The following ZNF420 variants were observed in gnomAD, a reference collection of about 807,000 sequenced individuals.
ZNF420 encodes zinc finger protein 420, also known as ATM and p53-associated KZNF protein.
A neutral mutation model predicts 44.7 loss-of-function variants in ZNF420; 31 were observed. That is an observed-to-expected ratio of 0.69 (90% CI 0.52 to 0.94). ZNF420 has a LOEUF of 0.94. ZNF420 is among the 40% of genes least tolerant of loss of function. The probability of loss-of-function intolerance (pLI) is 0.00; values close to 1 mark genes in which losing one functional copy is unlikely to be tolerated. For synonymous variants in ZNF420, 245 were observed against 267.4 expected (o/e 0.92, Z 0.82); for missense variants, 681 against 827.9 (o/e 0.82, Z 2.18).
intron 4 of ZNF420, among the ~76,000 whole-genome samples, chr19:37,125,902 CAAAG>C (rs975171899): frequency 6.6e-6 from 1 of 152,116 alleles, no homozygotes; most frequent in African/African-American, 2.4e-5. Context: ...GTTCCCAACC[CAAAG>C]TATAAAGAAT....
At chr19:37,038,125 G>A (rs954565861) in intron 1 of ZNF420, among the ~76,000 whole-genome samples, 10 of 110,998 alleles carry the variant, frequency 9.0e-5, no homozygotes, top group African/African-American at 2.2e-4. Flanking sequence ...GCGAGACTCC[G>A]TCTCAAAAAA....
intron 3 of ZNF420, among the ~76,000 whole-genome samples, chr19:37,089,453 T>G (rs564433604): frequency 6.6e-6 from 1 of 152,302 alleles, no homozygotes; most frequent in South Asian, 2.1e-4. Flanking sequence ...TGAACTTCTC[T>G]TTAGATCTAA....
chr19:37,052,508 C>T (rs1599619252), intron 1 of ZNF420, among the ~76,000 whole-genome samples: 1 of 152,138 alleles, frequency 6.6e-6, no homozygotes, highest in Non-Finnish European at 1.5e-5. Flanking sequence ...ACCGGTTGCT[C>T]CTTTCCATAT....
At chr19:37,037,242 A>G (rs560769344) in intron 1 of ZNF420, among the ~76,000 whole-genome samples, 5 of 152,190 alleles carry the variant, frequency 3.3e-5, no homozygotes, top group Non-Finnish European at 5.9e-5. Context: ...GGCCTAGAAG[A>G]GAACGTGAGA....
At chr19:37,110,344 C>T (rs1156536715) in intron 4 of ZNF420, among the ~76,000 whole-genome samples, 1 of 152,140 alleles carries the variant, frequency 6.6e-6, no homozygotes, top group African/African-American at 2.4e-5. Flanking sequence ...CAATGTTGTA[C>T]AATATTTTTT....
At chr19:37,103,102 T>C (rs891345290) in intron 4 of ZNF420, among the ~76,000 whole-genome samples, 1 of 152,276 alleles carries the variant, frequency 6.6e-6, no homozygotes, top group Admixed American at 6.5e-5. Flanking sequence ...TTTTAATAAA[T>C]GCACTTAAGA....
intron 1 of ZNF420, among the ~76,000 whole-genome samples, chr19:37,022,596 C>T (rs139489481): frequency 1.3e-5 from 2 of 151,968 alleles, no homozygotes; most frequent in Non-Finnish European, 2.9e-5. Flanking sequence ...AACAATTCCA[C>T]AGAAATGAAA....
At chr19:37,061,920 A>G (rs1264027427) in intron 1 of ZNF420, among the ~76,000 whole-genome samples, 1 of 152,188 alleles carries the variant, frequency 6.6e-6, no homozygotes, top group African/African-American at 2.4e-5. Context: ...GGTGACAATC[A>G]TTGCTCTGAG....
intron 4 of ZNF420, among the ~76,000 whole-genome samples, chr19:37,096,643 G>A (rs1378051319): frequency 6.6e-6 from 1 of 152,138 alleles, no homozygotes; most frequent in Non-Finnish European, 1.5e-5. Context: ...AAGGGTAACT[G>A]TAACTTCAGA....
chr19:37,098,020 G>A (rs1222230115), intron 4 of ZNF420, among the ~76,000 whole-genome samples: 1 of 151,878 alleles, frequency 6.6e-6, no homozygotes, highest in South Asian at 2.1e-4. Context: ...ACTTAGGCTG[G>A]AGTGCAGTGG....
chr19:37,018,570 T>A (rs1047196668), intron 1 of ZNF420, among the ~76,000 whole-genome samples: 6 of 152,160 alleles, frequency 3.9e-5, no homozygotes, highest in Non-Finnish European at 8.8e-5. Context: ...TATTTTTATT[T>A]TTTGTTTGTT....
upstream of ZNF420, among the ~76,000 whole-genome samples, chr19:37,075,782 CAG>C (rs1008293588): frequency 6.6e-6 from 1 of 151,780 alleles, no homozygotes; most frequent in South Asian, 2.1e-4. Context: ...CAAACAAAAA[CAG>C]AGAGAGAGGG....
At chr19:37,053,382 A>C (rs1337949602) in intron 1 of ZNF420, among the ~76,000 whole-genome samples, 1 of 152,176 alleles carries the variant, frequency 6.6e-6, no homozygotes, top group African/African-American at 2.4e-5. Context: ...TTTTCCATCC[A>C]GCTTTGTTCC....
intron 2 of ZNF420, among the ~76,000 whole-genome samples, chr19:37,083,792 A>C (rs1002664582): frequency 6.6e-6 from 1 of 152,156 alleles, no homozygotes; most frequent in Non-Finnish European, 1.5e-5. Context: ...TTCCTTTTAT[A>C]AGAAGTGCTT....
chr19:37,112,242 C>A lies in ZNF420; in HGVS notation c.137-14886C>A, dbSNP rs188558778. Among the ~76,000 whole-genome samples, 4 of 152,024 alleles carry A rather than the reference C, an allele frequency of 2.6e-5. No homozygotes were observed. The East Asian group carries it at 7.7e-4, about 29-fold the overall frequency. On this transcript the variant is annotated intron_variant, in intron 4 of 4. Transcript: ENST00000337995. ...ATGCCATTTTCATTTTTTCCTAGTC[C>A]CTTTCCTGGTATATATCCCATCTTA... is the stretch of plus-strand genomic sequence containing the variant.
upstream of ZNF420, among the ~76,000 whole-genome samples, chr19:37,073,619 T>C (rs935776091): frequency 2.6e-5 from 4 of 152,020 alleles, no homozygotes; most frequent in East Asian, 7.7e-4. Flanking sequence ...CAGGTGCCTC[T>C]AATCCCAGCT....
upstream of ZNF420, among the ~76,000 whole-genome samples, chr19:37,074,621 T>C (rs917971831): frequency 6.6e-6 from 1 of 152,228 alleles, no homozygotes; most frequent in Non-Finnish European, 1.5e-5. Context: ...ATGTGGACTA[T>C]ATATTAGATA....
Position 37,129,148 on chromosome 19 carries a change from G to A in ZNF420, c.*90G>A, listed in dbSNP as rs1229968729. 67 of 1,451,550 alleles carry A rather than the reference G, an allele frequency of 4.6e-5. No homozygotes were observed. Among genetic ancestry groups the A allele is most frequent in the East Asian group, 4.3e-4 (19 of 43,774 alleles). The allele number at this position is 1,451,550 out of a possible 1,614,324, so 89.9% of individuals were successfully genotyped here. A position where few individuals can be genotyped will look rare whatever the true frequency, so the allele number is the denominator to read the frequency against. ...CAAATGTGAATATGGGCGCACATTTGCCTCATAAAGCACAGCATCAGATAA... is the reference window on the plus strand; with the variant it reads ...CAAATGTGAATATGGGCGCACATTTACCTCATAAAGCACAGCATCAGATAA... On this transcript the variant is annotated 3_prime_UTR_variant, in exon 5 of 5. Transcript: ENST00000337995.
At chr19:37,031,718 G>C (rs901774280) in intron 1 of ZNF420, among the ~76,000 whole-genome samples, 3 of 151,918 alleles carry the variant, frequency 2.0e-5, no homozygotes, top group Non-Finnish European at 4.4e-5. Context: ...TTGCATGTTG[G>C]CCAGGCTAGT....
Sources: allele counts gnomAD v4.1 joint callset (sites outside exome capture counted in the v4.1 genomes callset), GRCh38; gene constraint gnomAD v4.1.1; transcripts MANE v1.5; gene names NCBI Gene and HGNC (gene_info 2026-07-23, HGNC 2026-07-21).